Variants in PAM observed in about 807,000 individuals in gnomAD.
PAM encodes peptidylglycine alpha-amidating monooxygenase.
In PAM, 72 loss-of-function variants were observed where a neutral mutation model predicts 122.1. The observed-to-expected ratio is 0.59, with a 90% CI of 0.49 to 0.72. The LOEUF (loss-of-function observed/expected upper bound fraction) is 0.72, where lower values mean the gene tolerates loss of function less well. PAM is among the 30% of genes least tolerant of loss of function. PAM has a pLI of 0.00. For missense variants in PAM, 1,106 were observed against 1,183.7 expected (o/e 0.93, Z 0.96); for synonymous variants, 389 against 404.4 (o/e 0.96, Z 0.46).
chr5:102,925,032 G>T lies in PAM; in HGVS notation c.432G>T (p.Arg144=), dbSNP rs1748943935. The T allele has an allele frequency of 6.5e-7, 1 of 1,549,148 alleles. No homozygotes were observed. Among genetic ancestry groups the T allele is most frequent in the Non-Finnish European group, 8.9e-7 (1 of 1,120,682 alleles). ...GGGCGAGAAATGCTCCCCCTACCCG[G>T]CTCCCCAAAGGTATGTCAGAGCCTC... The part of the protein sequence containing the change: ...YAWARNAPPT[R]LPKGVGFRVG... The change falls in exon 6 of 26, where the codon CGG becomes CGT. Residue 144 remains arginine (R), a synonymous_variant. Transcript: ENST00000438793.
chr5:102,952,394 A>G (rs546435702), intron 12 of PAM, among the ~76,000 whole-genome samples: 93 of 152,216 alleles, frequency 6.1e-4, no homozygotes, highest in African/African-American at 2.1e-3. Context: ...TAAAATGTGC[A>G]TTTTGCTTTA....
intron 3 of PAM, among the ~76,000 whole-genome samples, chr5:102,892,429 C>T (rs193050479): frequency 3.5e-4 from 53 of 151,906 alleles, no homozygotes; most frequent in Admixed American, 2.7e-3. Flanking sequence ...TTAAGTTGGT[C>T]TTCTGCAATT....
intron 5 of PAM, among the ~76,000 whole-genome samples, chr5:102,920,031 G>A (rs770779519): frequency 3.9e-5 from 6 of 152,030 alleles, no homozygotes; most frequent in Non-Finnish European, 5.9e-5. Flanking sequence ...ATAATGCAGC[G>A]TTGTATTTAG....
chr5:102,791,172 C>A (rs1761962151), intron 1 of PAM, among the ~76,000 whole-genome samples: 2 of 152,154 alleles, frequency 1.3e-5, no homozygotes, highest in African/African-American at 4.8e-5. Context: ...ATAAATGACA[C>A]TCTGATGAAA....
At chr5:102,834,972 G>A (rs1428881262) in intron 1 of PAM, among the ~76,000 whole-genome samples, 2 of 152,126 alleles carry the variant, frequency 1.3e-5, no homozygotes, top group Admixed American at 1.3e-4. Flanking sequence ...ATTGTATGTA[G>A]AGACCAAGTA....
chr5:103,017,450 A>G lies in PAM; in HGVS notation c.2431+17A>G. 1 of 1,426,768 alleles carries G rather than the reference A, an allele frequency of 7.0e-7. No homozygotes were observed. The highest frequency in any genetic ancestry group is 9.9e-7 in the Non-Finnish European group (1 of 1,012,780). The allele number at this position is 1,426,768 out of a possible 1,614,324, so 88.4% of individuals were successfully genotyped here. A position where few individuals can be genotyped will look rare whatever the true frequency, so the allele number is the denominator to read the frequency against. On this transcript the variant is annotated intron_variant, in intron 22 of 25. Coordinates refer to ENST00000438793, the MANE Select transcript of PAM (RefSeq NM_001177306.2). The stretch of plus-strand genomic sequence containing the variant: ...TGACTGAGAGTATGGTTTTCACAGT[A>G]TTATTGTTCACATTTTCCCTCAGTT...
intron 1 of PAM, among the ~76,000 whole-genome samples, chr5:102,783,500 C>A (rs1409079286): frequency 6.6e-6 from 1 of 152,078 alleles, no homozygotes; most frequent in Non-Finnish European, 1.5e-5. Flanking sequence ...TTTATTTGGT[C>A]CCCACTGAAG....
intron 7 of PAM, among the ~76,000 whole-genome samples, chr5:102,933,674 T>G (rs1024060950): frequency 1.3e-5 from 2 of 152,188 alleles, no homozygotes; most frequent in African/African-American, 2.4e-5. Context: ...CCAGAGGAAT[T>G]CTGATTCCAC....
intron 7 of PAM, among the ~76,000 whole-genome samples, chr5:102,927,707 A>T (rs970150810): frequency 6.6e-6 from 1 of 151,286 alleles, no homozygotes; most frequent in Non-Finnish European, 1.5e-5. Flanking sequence ...ATTTTATGTC[A>T]TTGAAAATGT....
intron 14 of PAM, 107 bp from the exon 15 acceptor site, chr5:102,974,009 C>G (rs1242606406): frequency 4.2e-6 from 3 of 707,374 alleles, no homozygotes; most frequent in South Asian, 2.0e-5. Flanking sequence ...AAACTTCTCT[C>G]TTATTTATTA....
intron 1 of PAM, among the ~76,000 whole-genome samples, chr5:102,831,545 T>C (rs1049076080): frequency 3.3e-5 from 5 of 152,112 alleles, no homozygotes; most frequent in African/African-American, 1.2e-4. Flanking sequence ...TGCCAAAACA[T>C]GCTAATATCC....
At chr5:102,768,865 A>G (rs374407217) in intron 1 of PAM, among the ~76,000 whole-genome samples, 17 of 152,220 alleles carry the variant, frequency 1.1e-4, no homozygotes, top group East Asian at 7.7e-4. Context: ...GGACATATAT[A>G]CCCCAAAGAA....
chr5:102,797,952 A>G (rs1763793916), intron 1 of PAM, among the ~76,000 whole-genome samples: 1 of 152,266 alleles, frequency 6.6e-6, no homozygotes, highest in South Asian at 2.1e-4. Flanking sequence ...CTATTTTTAT[A>G]CAACTTTAAG....
intron 1 of PAM, among the ~76,000 whole-genome samples, chr5:102,760,932 C>T (rs73774890): frequency 4.6e-4 from 70 of 152,338 alleles, no homozygotes; most frequent in African/African-American, 1.5e-3. Flanking sequence ...CAGCGTTACT[C>T]AAATCATGTG....
chr5:102,948,241 A>T (rs1397753732), intron 8 of PAM, 137 bp from the exon 9 acceptor site: 4 of 534,630 alleles, frequency 7.5e-6, no homozygotes, highest in Admixed American at 3.4e-5. Context: ...AGGAAGAAAA[A>T]TTTTTCCTCT....
At chr5:102,866,517 A>G (rs1785619095) in intron 2 of PAM, 1 of 541,842 alleles carries the variant, frequency 1.8e-6, no homozygotes, top group Non-Finnish European at 3.3e-6. Context: ...TCCAAAACTA[A>G]TCACTCCCTC....
intron 4 of PAM, among the ~76,000 whole-genome samples, chr5:102,902,541 T>G (rs1400962144): frequency 6.6e-6 from 1 of 151,604 alleles, no homozygotes; most frequent in Non-Finnish European, 1.5e-5. Context: ...TCCTGAACTA[T>G]CTTTAAAGAC....
chr5:102,907,886 G>A (rs1318209569), intron 4 of PAM, among the ~76,000 whole-genome samples: 2 of 151,958 alleles, frequency 1.3e-5, no homozygotes, highest in African/African-American at 4.8e-5. Context: ...TTTGTCAGAT[G>A]AGTAGGTTGC....
rs111652136 is a variant in PAM at position 102,892,235 on chromosome 5, A to G, written c.211-9121A>G. On this transcript the variant is annotated intron_variant, in intron 3 of 25. Coordinates refer to ENST00000438793, the MANE Select transcript of PAM (RefSeq NM_001177306.2). The stretch of plus-strand genomic sequence containing the variant: ...AAGCTACTGCAACCATCTTGTGATC[A>G]TGAAGGGAGGCAAATCCATGAAATA... 2.5e-3 allele frequency among the ~76,000 whole-genome samples: 377 copies of G among 151,962 alleles called. 3 individuals are homozygous for G. The highest frequency in any genetic ancestry group is 8.4e-3 in the African/African-American group (350 of 41,522).
Sources: allele counts gnomAD v4.1 joint callset (sites outside exome capture counted in the v4.1 genomes callset), GRCh38; gene constraint gnomAD v4.1.1; transcripts MANE v1.5; gene names NCBI Gene and HGNC (gene_info 2026-07-23, HGNC 2026-07-21).